The following DLGAP2 variants were observed in gnomAD, a reference collection of about 807,000 sequenced individuals.
DLGAP2 encodes DLG associated protein 2.
In DLGAP2, 26 loss-of-function variants were observed where a neutral mutation model predicts 100.3. That is an observed-to-expected ratio of 0.26 (90% CI 0.19 to 0.36). DLGAP2 has a LOEUF of 0.36. Among genes scored for constraint, DLGAP2 ranks in the 10% least tolerant of loss-of-function variants. DLGAP2 has a pLI of 1.00. For missense variants in DLGAP2, 1,858 were observed against 1,453.2 expected, an observed-to-expected ratio of 1.28 and a Z score of -4.53; for synonymous variants, 886 against 630.1, an observed-to-expected ratio of 1.41 and a Z score of -6.08.
chr8:1,112,016 C>T (rs1028262244), intron 2 of DLGAP2, among the ~76,000 whole-genome samples: 1 of 152,114 alleles, frequency 6.6e-6, no homozygotes, highest in African/African-American at 2.4e-5. Context: ...CTACTTTACA[C>T]TCCCACCGAC....
chr8:1,200,378 C>G (rs531794678), intron 2 of DLGAP2, among the ~76,000 whole-genome samples: 2 of 152,208 alleles, frequency 1.3e-5, no homozygotes, highest in East Asian at 3.9e-4. Context: ...TAAAACTGTG[C>G]TTTCCGATGT....
intron 2 of DLGAP2, among the ~76,000 whole-genome samples, chr8:1,114,965 A>G (rs970879888): frequency 1.3e-5 from 2 of 152,206 alleles, no homozygotes; most frequent in African/African-American, 4.8e-5. Flanking sequence ...AAAGTCATTC[A>G]GGAGGATGTT....
intron 1 of DLGAP2, among the ~76,000 whole-genome samples, chr8:752,300 G>A (rs1233829080): frequency 6.6e-6 from 1 of 152,232 alleles, no homozygotes; most frequent in African/African-American, 2.4e-5. Context: ...CCACCAGTGG[G>A]CGCAGAAGGC....
intron 2 of DLGAP2, among the ~76,000 whole-genome samples, chr8:1,071,280 G>A (rs1168066429): frequency 6.6e-6 from 1 of 152,148 alleles, no homozygotes; most frequent in African/African-American, 2.4e-5. Context: ...TTTTCTTGTG[G>A]GTGAGAGGAA....
chr8:1,609,956 A>G (rs1378113635), intron 6 of DLGAP2, among the ~76,000 whole-genome samples: 2 of 151,302 alleles, frequency 1.3e-5, no homozygotes, highest in Non-Finnish European at 3.0e-5. Context: ...TTAACACCCC[A>G]CTGTCAACAT....
intron 12 of DLGAP2, chr8:1,688,459 G>C (rs1026765341): frequency 6.6e-6 from 1 of 152,192 alleles, no homozygotes. Context: ...AAGCAATGGA[G>C]AATTAGGTGA....
intron 6 of DLGAP2, among the ~76,000 whole-genome samples, chr8:1,577,566 T>TAAAAAAA: frequency 1.9e-5 from 1 of 53,608 alleles, no homozygotes; most frequent in Non-Finnish European, 3.0e-5. Context: ...ACACTCTCTC[T>TAAAAAAA]CAAAAAAAAA....
At chr8:843,693 G>T (rs759015516) in intron 1 of DLGAP2, among the ~76,000 whole-genome samples, 3 of 152,228 alleles carry the variant, frequency 2.0e-5, no homozygotes, top group Non-Finnish European at 4.4e-5. Flanking sequence ...GTGATGTGAT[G>T]TGTGATATGA....
At chr8:1,546,258 A>T (rs1260471081) in intron 4 of DLGAP2, among the ~76,000 whole-genome samples, 2 of 152,224 alleles carry the variant, frequency 1.3e-5, no homozygotes, top group East Asian at 3.8e-4. Flanking sequence ...GGATCTCTTT[A>T]TCCTTCAACT....
At chr8:1,013,290 G>A (rs1801350856) in intron 2 of DLGAP2, among the ~76,000 whole-genome samples, 1 of 152,192 alleles carries the variant, frequency 6.6e-6, no homozygotes, top group African/African-American at 2.4e-5. Context: ...GCCCTGTGCA[G>A]GATACAGTAG....
At chr8:765,595 G>T (rs2132596971) in intron 1 of DLGAP2, among the ~76,000 whole-genome samples, 1 of 152,204 alleles carries the variant, frequency 6.6e-6, no homozygotes, top group South Asian at 2.1e-4. Context: ...ACCCCAAAAT[G>T]GTCCTGAAAC....
At chr8:1,276,386 G>A (rs6996078) in intron 3 of DLGAP2, among the ~76,000 whole-genome samples, 3,983 of 152,094 alleles carry the variant, frequency 0.026, 69 homozygotes, top group African/African-American at 0.05. Flanking sequence ...AGATGGAACC[G>A]TTTTGGATCT....
chr8:1,390,305 T>C (rs1306247549), intron 3 of DLGAP2, among the ~76,000 whole-genome samples: 2 of 152,246 alleles, frequency 1.3e-5, no homozygotes, highest in African/African-American at 4.8e-5. Context: ...AACGCTGTGG[T>C]GTGCTTGTAT....
intron 1 of DLGAP2, among the ~76,000 whole-genome samples, chr8:798,353 G>C (rs550954748): frequency 6.9e-6 from 1 of 145,462 alleles, no homozygotes; most frequent in South Asian, 2.2e-4. Flanking sequence ...GTTGAGTCAG[G>C]ACCTGCAGCC....
intron 2 of DLGAP2, among the ~76,000 whole-genome samples, chr8:1,208,942 T>TG (rs1017906504): frequency 4.0e-5 from 6 of 151,434 alleles, no homozygotes; most frequent in African/African-American, 1.5e-4. Context: ...ACCAAGGATG[T>TG]GAAAAACCTC....
chr8:1,605,998 C>T (rs1223428578), intron 6 of DLGAP2, among the ~76,000 whole-genome samples: 1 of 152,086 alleles, frequency 6.6e-6, no homozygotes, highest in Non-Finnish European at 1.5e-5. Flanking sequence ...TAATACCTTC[C>T]GCAGAGAATC....
chr8:1,058,189 G>A (rs983740530), intron 2 of DLGAP2, among the ~76,000 whole-genome samples: 8 of 151,806 alleles, frequency 5.3e-5, no homozygotes, highest in Non-Finnish European at 8.8e-5. Flanking sequence ...ATTGACTAGC[G>A]GCGGGTCTGG....
chr8:742,225 T>C (rs986995437), intron 1 of DLGAP2, among the ~76,000 whole-genome samples: 1 of 152,220 alleles, frequency 6.6e-6, no homozygotes. Context: ...TCTTATATGG[T>C]ACATCGTGTG....
chr8:1,329,873 C>A (rs982863719), intron 3 of DLGAP2, among the ~76,000 whole-genome samples: 2 of 152,238 alleles, frequency 1.3e-5, no homozygotes, highest in Non-Finnish European at 2.9e-5. Context: ...ACCTTGTCTT[C>A]TAGCTCTGCT....
Sources: allele counts gnomAD v4.1 joint callset (sites outside exome capture counted in the v4.1 genomes callset), GRCh38; gene constraint gnomAD v4.1.1; transcripts MANE v1.5; gene names NCBI Gene and HGNC (gene_info 2026-07-23, HGNC 2026-07-21).